WWP2: variants seen among roughly 807,000 people sequenced by gnomAD.
The protein encoded by WWP2 is NEDD4-like E3 ubiquitin-protein ligase WWP2.
WWP2 carries 57 observed loss-of-function variants against 121.0 expected under a neutral mutation model. That is an observed-to-expected ratio of 0.47 (90% CI 0.38 to 0.59). The LOEUF (loss-of-function observed/expected upper bound fraction) is 0.59, where lower values mean the gene tolerates loss of function less well. Among genes scored for constraint, WWP2 ranks in the 20% least tolerant of loss-of-function variants. The probability of loss-of-function intolerance (pLI) is 0.00; values close to 1 mark genes in which losing one functional copy is unlikely to be tolerated. For missense variants in WWP2, 962 were observed against 1,158.9 expected (o/e 0.83, Z 2.47); for synonymous variants, 449 against 441.3 (o/e 1.02, Z -0.22).
chr16:69,933,073 G>A (rs1017465598), intron 16 of WWP2: 4 of 500,932 alleles, frequency 8.0e-6, no homozygotes, highest in East Asian at 5.7e-5. Flanking sequence ...GTGTGGCCGC[G>A]CCCTGTGTGT....
In WWP2 at chr16:69,838,942, C is replaced by A. The variant is rs951091620; in HGVS notation, c.341-1184C>A. ...GATCTTTGACTTGATCCAGAATTTT[C>A]TGCTAAGTTCTTAAAGGGTTGTATC... On this transcript the variant is annotated intron_variant, in intron 4 of 23. Transcript: ENST00000359154. 6.2e-6 allele frequency: 6 copies of A among 967,344 alleles called. No homozygotes were observed. In the African/African-American group the frequency reaches 1.1e-4, roughly 18 times the overall value. 59.9% of individuals were successfully genotyped at this position (967,344 alleles called of 1,614,324 possible).
intron 9 of WWP2, among the ~76,000 whole-genome samples, chr16:69,912,316 T>A (rs2058390865): frequency 6.7e-6 from 1 of 149,040 alleles, no homozygotes; most frequent in South Asian, 2.1e-4. Context: ...CAAAACCTCA[T>A]TGGTTTTAGA....
intron 6 of WWP2, among the ~76,000 whole-genome samples, chr16:69,848,637 T>TAA (rs529487746): frequency 0.013 from 1,099 of 81,786 alleles, 17 homozygotes; most frequent in African/African-American, 0.02. Context: ...ATGCTGTTGC[T>TAA]AAAAAAAAAA....
intron 4 of WWP2, among the ~76,000 whole-genome samples, chr16:69,834,179 T>G (rs368825667): frequency 6.6e-6 from 1 of 152,228 alleles, no homozygotes; most frequent in Non-Finnish European, 1.5e-5. Context: ...TCCCAAGGCC[T>G]GACTGGGAGG....
chr16:69,884,403 C>T (rs978961971), intron 7 of WWP2, among the ~76,000 whole-genome samples: 14 of 152,052 alleles, frequency 9.2e-5, no homozygotes, highest in Non-Finnish European at 1.9e-4. Context: ...GTGGGAGGAT[C>T]GCTTGAGCTC....
chr16:69,825,630 G>T (rs1223878952), intron 4 of WWP2, among the ~76,000 whole-genome samples: 159 of 139,802 alleles, frequency 1.1e-3, no homozygotes, highest in African/African-American at 2.6e-3. Flanking sequence ...TTTTTTTTTT[G>T]GTTTTTTTTT....
intron 4 of WWP2, among the ~76,000 whole-genome samples, chr16:69,811,999 T>C (rs753600026): frequency 6.6e-6 from 1 of 152,020 alleles, no homozygotes; most frequent in Non-Finnish European, 1.5e-5. Flanking sequence ...GTTTTTGCAG[T>C]GTTGTTAATC....
intron 1 of WWP2, among the ~76,000 whole-genome samples, chr16:69,778,726 C>T (rs2151780853): frequency 6.6e-6 from 1 of 151,738 alleles, no homozygotes; most frequent in Middle Eastern, 3.4e-3. Context: ...ACTGCAACGT[C>T]CACCTCCCGG....
intron 2 of WWP2, among the ~76,000 whole-genome samples, chr16:69,791,302 A>G (rs1174773212): frequency 2.0e-5 from 3 of 150,282 alleles, no homozygotes; most frequent in African/African-American, 7.4e-5. Flanking sequence ...ATCTTGGTTC[A>G]CTGCAACCTC....
chr16:69,770,488 C>T (rs1285308236), intron 1 of WWP2, among the ~76,000 whole-genome samples: 1 of 152,206 alleles, frequency 6.6e-6, no homozygotes, highest in African/African-American at 2.4e-5. Flanking sequence ...CCCCTTCTCA[C>T]ATGCCTCGCC....
At chr16:69,901,305 G>A (rs1475826739) in intron 8 of WWP2, among the ~76,000 whole-genome samples, 1 of 152,188 alleles carries the variant, frequency 6.6e-6, no homozygotes, top group Non-Finnish European at 1.5e-5. Context: ...TGAAGAGGCA[G>A]CTTTAAGAAT....
At chr16:69,778,192 A>ATTTTTTT (rs57651000) in intron 1 of WWP2, among the ~76,000 whole-genome samples, 2 of 125,656 alleles carry the variant, frequency 1.6e-5, no homozygotes, top group African/African-American at 6.3e-5. Context: ...ATATATATAT[A>ATTTTTTT]TTTTTTTTTT....
intron 6 of WWP2, among the ~76,000 whole-genome samples, chr16:69,871,103 T>C (rs941321199): frequency 2.9e-4 from 44 of 151,644 alleles, no homozygotes; most frequent in African/African-American, 9.7e-4. Context: ...CTTGGCAACA[T>C]AGCAAGACCC....
At chr16:69,848,852 G>A (rs930327658) in intron 6 of WWP2, among the ~76,000 whole-genome samples, 2 of 152,034 alleles carry the variant, frequency 1.3e-5, no homozygotes, top group African/African-American at 4.8e-5. Flanking sequence ...GGCCAGTGTT[G>A]GTCACAATCT....
At chr16:69,877,962 C>T (rs898567917) in intron 7 of WWP2, among the ~76,000 whole-genome samples, 7 of 152,058 alleles carry the variant, frequency 4.6e-5, no homozygotes, top group Admixed American at 6.6e-5. Context: ...CGCGTGCCAC[C>T]GTGCCCAGCT....
At position 69,935,939 on chromosome 16, in the gene WWP2, C is replaced by T. The variant is rs748888387; in HGVS notation, c.1929C>T (p.Asp643=). 1.9e-6 allele frequency: 3 copies of T among 1,614,074 alleles called. No individual in the cohort carries two copies. The highest frequency in any genetic ancestry group is 2.5e-6 in the Non-Finnish European group (3 of 1,180,026). The change falls in exon 18 of 24, where the codon GAC becomes GAT. Residue 643 remains aspartate (D), a synonymous_variant. Coordinates refer to ENST00000359154, the MANE Select transcript of WWP2 (RefSeq NM_001270454.2). This position sits in a 1 kb window ranked among gnomAD's most constrained non-coding sequence, Gnocchi z 5.2. ...TCAATAAGAGACCAACCCTGAAAGACCTGGAGTCCATTGACCCTGAGTTCT... is the reference window on the plus strand; with the variant it reads ...TCAATAAGAGACCAACCCTGAAAGATCTGGAGTCCATTGACCCTGAGTTCT... ...RMLNKRPTLK[D]LESIDPEFYN...
In WWP2 at chr16:69,931,790, C is replaced by A; in HGVS notation, c.1594-12C>A. The A allele has an allele frequency of 1.2e-6, 2 of 1,613,558 alleles. No individual in the cohort carries two copies. Among genetic ancestry groups the A allele is most frequent in the Non-Finnish European group, 1.7e-6 (2 of 1,179,940 alleles). The stretch of plus-strand genomic sequence containing the variant: ...GAGAGTGGCAGGCTGGCCCGATGCT[C>A]TGTCTTCCCAGATCATGAACATGAA... On this transcript the variant is annotated splice_polypyrimidine_tract_variant and intron_variant, in intron 15 of 23. Transcript: ENST00000359154.
Position 69,939,458 on chromosome 16 carries a change from G to A in WWP2, c.2513+45G>A, listed in dbSNP as rs148841517. The A allele has an allele frequency of 1.1e-4, 183 of 1,601,386 alleles. 3 individuals are homozygous for A. The East Asian group carries it at 3.7e-3, about 32-fold the overall frequency. On this transcript the variant is annotated intron_variant, in intron 23 of 23. Transcript: ENST00000359154. ...TGGGAGGTCGGGGGGCCTCAGACCC[G>A]ATGAGCTCCTGGGACAGCCCAGTGG...
intron 23 of WWP2, 37 bp from the exon 24 acceptor site, chr16:69,939,804 C>G: frequency 6.3e-7 from 1 of 1,582,246 alleles, no homozygotes. Flanking sequence ...GCCCTGGCCT[C>G]CTAGGGCTGA....
Sources: allele counts gnomAD v4.1 joint callset (sites outside exome capture counted in the v4.1 genomes callset), GRCh38; gene constraint gnomAD v4.1.1; non-coding constraint Gnocchi (gnomAD v3.1); transcripts MANE v1.5; gene names NCBI Gene and HGNC (gene_info 2026-07-23, HGNC 2026-07-21).